The following SYN2 variants were observed in gnomAD, a reference collection of about 807,000 sequenced individuals.
The protein encoded by SYN2 is synapsin-2.
A neutral mutation model predicts 50.9 loss-of-function variants in SYN2; 19 were observed. That is an observed-to-expected ratio of 0.37 (90% CI 0.26 to 0.55). SYN2 has a LOEUF of 0.55. SYN2 is among the 20% of genes least tolerant of loss of function. The pLI, the probability that SYN2 is intolerant of heterozygous loss-of-function variation, is 0.81. For synonymous variants in SYN2, 255 were observed against 224.9 expected (o/e 1.13, Z -1.20); for missense variants, 587 against 576.4 (o/e 1.02, Z -0.19).
rs746395585 is a variant in SYN2 at position 12,141,886 on chromosome 3, C to T, written c.436-19C>T. On this transcript the variant is annotated intron_variant, in intron 2 of 12. Transcript: ENST00000621198. ...TGAAGTCAGGATTGTGAACTTATTC[C>T]CCTGTTATTATTTTCCAGGCAGAAT... 1.3e-6 allele frequency: 1 copy of T among 780,544 alleles called. No homozygotes were observed. The highest frequency in any genetic ancestry group is 2.4e-6 in the Non-Finnish European group (1 of 417,838). The allele number at this position is 780,544 out of a possible 1,614,324, so 48.4% of individuals were successfully genotyped here. A position where few individuals can be genotyped will look rare whatever the true frequency, so the allele number is the denominator to read the frequency against.
At position 12,004,943 on chromosome 3, in the gene SYN2, C is replaced by T; in HGVS notation, c.377+15C>T. The T allele has an allele frequency of 5.7e-6, 3 of 522,608 alleles. No individual in the cohort carries two copies. The highest frequency in any genetic ancestry group is 6.7e-6 in the Non-Finnish European group (2 of 298,226). 32.4% of individuals were successfully genotyped at this position (522,608 alleles called of 1,614,324 possible). A position where few individuals can be genotyped will look rare whatever the true frequency, so the allele number is the denominator to read the frequency against. On this transcript the variant is annotated intron_variant, in intron 1 of 12. Coordinates refer to ENST00000621198, the MANE Select transcript of SYN2 (RefSeq NM_133625.6). ...CACGCCGACTGGTAGGTGCCGGGCG[C>T]CGCCGCCCTCGGGGGTCGGGGTCCG...
chr3:12,008,945 C>G (rs887376276), intron 1 of SYN2, among the ~76,000 whole-genome samples: 1 of 152,072 alleles, frequency 6.6e-6, no homozygotes, highest in African/African-American at 2.4e-5. Flanking sequence ...TGTCTCCATT[C>G]TTTTCTAGCC....
chr3:12,092,394 C>G (rs1297072464), intron 1 of SYN2, among the ~76,000 whole-genome samples: 2 of 152,066 alleles, frequency 1.3e-5, no homozygotes, highest in Non-Finnish European at 2.9e-5. Context: ...GTAGGGAATA[C>G]AAATGAGAGC....
chr3:12,028,021 T>TCCCTCC (rs1694301421), intron 1 of SYN2, among the ~76,000 whole-genome samples: 2 of 62,046 alleles, frequency 3.2e-5, no homozygotes, highest in Non-Finnish European at 3.0e-5. Context: ...ATTTTTTCTT[T>TCCCTCC]CCCTCCCCCC....
rs573491664 is a variant in SYN2 at position 12,146,098 on chromosome 3, G to A, written c.684+263G>A. Among the ~76,000 whole-genome samples the A allele has an allele frequency of 2.0e-5, 3 of 152,346 alleles. No individual in the cohort carries two copies. The East Asian group carries it at 5.8e-4, about 29-fold the overall frequency. On this transcript the variant is annotated intron_variant, in intron 4 of 12. Coordinates refer to ENST00000621198, the MANE Select transcript of SYN2 (RefSeq NM_133625.6). ...AGGCTCAGCACCTTTGCTGCGGAGT[G>A]GACCTTTGGCCTCACAACAAAGTCG...
At chr3:12,180,471 C>T (rs1698197006) in intron 10 of SYN2, among the ~76,000 whole-genome samples, 1 of 152,190 alleles carries the variant, frequency 6.6e-6, no homozygotes, top group Admixed American at 6.5e-5. Flanking sequence ...AATTCGGCAT[C>T]CCAGGATGCT....
intron 1 of SYN2, among the ~76,000 whole-genome samples, chr3:12,108,196 TAAATA>T (rs1696239280): frequency 6.6e-6 from 1 of 151,882 alleles, no homozygotes; most frequent in African/African-American, 2.4e-5. Flanking sequence ...TCTCAAAAAA[TAAATA>T]AATAAAATAA....
At chr3:12,035,279 C>T (rs900395155) in intron 1 of SYN2, among the ~76,000 whole-genome samples, 5 of 152,226 alleles carry the variant, frequency 3.3e-5, no homozygotes, top group African/African-American at 9.6e-5. Flanking sequence ...TTGCTGGGCT[C>T]AGTCCATGCA....
intron 10 of SYN2, among the ~76,000 whole-genome samples, chr3:12,178,967 T>C (rs908723036): frequency 3.7e-4 from 56 of 152,342 alleles, no homozygotes; most frequent in African/African-American, 1.2e-3. Context: ...GCCCTTTTGG[T>C]GCTCCCACAT....
At chr3:12,127,120 TC>T (rs1696687654) in intron 1 of SYN2, among the ~76,000 whole-genome samples, 1 of 152,204 alleles carries the variant, frequency 6.6e-6, no homozygotes, top group African/African-American at 2.4e-5. Context: ...AAGGAATGTG[TC>T]CAAACACTAG....
chr3:12,011,292 A>T (rs77652485), intron 1 of SYN2, among the ~76,000 whole-genome samples: 6,955 of 152,302 alleles, frequency 0.046, 238 homozygotes, highest in East Asian at 0.14. Flanking sequence ...TTAGCTTCCC[A>T]CATAGAAGCA....
chr3:12,021,612 G>A (rs1040084520), intron 1 of SYN2, among the ~76,000 whole-genome samples: 1 of 152,000 alleles, frequency 6.6e-6, no homozygotes, highest in Non-Finnish European at 1.5e-5. Context: ...AATGTGAAAC[G>A]TCAGTTCTTG....
At chr3:12,175,650 T>C (rs1698049585) in intron 10 of SYN2, among the ~76,000 whole-genome samples, 1 of 152,238 alleles carries the variant, frequency 6.6e-6, no homozygotes, top group African/African-American at 2.4e-5. Context: ...AGCTCCACCA[T>C]GAGTGCTTTC....
intron 1 of SYN2, among the ~76,000 whole-genome samples, chr3:12,136,111 TATC>T (rs759679539): frequency 1.8e-4 from 28 of 152,256 alleles, no homozygotes; most frequent in Admixed American, 4.6e-4. Context: ...GTGAGCCAAA[TATC>T]ATGAGCAGAC....
At position 12,004,743 on chromosome 3, in the gene SYN2, C is replaced by T. The variant is rs1457417893; in HGVS notation, c.192C>T (p.Pro64=). Residue 64 remains proline (P), a synonymous_variant, in exon 1 of 13, where the codon CCC becomes CCT. Coordinates refer to ENST00000621198, the MANE Select transcript of SYN2 (RefSeq NM_133625.6). ...ASPGPERRPP[P]ASAPAPQPAP... Reference sequence around the variant, plus strand: ...CGGGCCCGGAGCGGAGGCCGCCGCCCGCCTCGGCGCCCGCGCCGCAGCCCG... The same window carrying T: ...CGGGCCCGGAGCGGAGGCCGCCGCCTGCCTCGGCGCCCGCGCCGCAGCCCG... 1.7e-5 allele frequency: 5 copies of T among 297,236 alleles called. No homozygotes were observed. The highest frequency in any genetic ancestry group is 3.1e-5 in the Non-Finnish European group (5 of 162,602). 18.4% of individuals were successfully genotyped at this position (297,236 alleles called of 1,614,324 possible).
intron 10 of SYN2, among the ~76,000 whole-genome samples, chr3:12,178,303 G>C (rs986782984): frequency 3.3e-5 from 5 of 152,178 alleles, no homozygotes; most frequent in African/African-American, 1.2e-4. Flanking sequence ...TGGGGCAGCT[G>C]GTCTCAGGCC....
intron 1 of SYN2, among the ~76,000 whole-genome samples, chr3:12,020,253 G>C (rs1002604381): frequency 2.0e-5 from 3 of 152,126 alleles, no homozygotes; most frequent in African/African-American, 7.2e-5. Flanking sequence ...AGTGGCATCA[G>C]ACTTAAACTT....
At chr3:12,033,977 A>T (rs1398041539) in intron 1 of SYN2, among the ~76,000 whole-genome samples, 1 of 152,226 alleles carries the variant, frequency 6.6e-6, no homozygotes, top group Non-Finnish European at 1.5e-5. Flanking sequence ...ATTATAAATA[A>T]AGCTGTTATG....
At chr3:12,145,196 G>A (rs778959242) in intron 3 of SYN2, among the ~76,000 whole-genome samples, 28 of 152,310 alleles carry the variant, frequency 1.8e-4, no homozygotes, top group Middle Eastern at 3.4e-3. Flanking sequence ...GAGCCTAGGA[G>A]TTTGAGATCA....
Sources: gnomAD v4.1 joint callset for allele counts (sites outside exome capture counted in the v4.1 genomes callset) on GRCh38, gnomAD v4.1.1 for gene constraint, MANE v1.5 for transcripts, NCBI Gene and HGNC (gene_info 2026-07-23, HGNC 2026-07-21) for gene names.